TRAF2: variants seen among roughly 807,000 people sequenced by gnomAD.
The protein encoded by TRAF2 is TNF receptor-associated factor 2.
In TRAF2, 6 loss-of-function variants were observed where a neutral mutation model predicts 55.6. The observed-to-expected ratio is 0.11, with a 90% CI of 0.06 to 0.21. TRAF2 has a LOEUF of 0.21. TRAF2 is among the 10% of genes least tolerant of loss of function. The pLI, the probability that TRAF2 is intolerant of heterozygous loss-of-function variation, is 1.00. For missense variants in TRAF2, 561 were observed against 684.5 expected (o/e 0.82, Z 2.01); for synonymous variants, 329 against 276.3 (o/e 1.19, Z -1.89).
In TRAF2 at chr9:136,911,025, G is replaced by T. The variant is rs149571128; in HGVS notation, c.603+1031G>T. The stretch of plus-strand genomic sequence containing the variant: ...TGAGGCTGTGTCCCCTGCTGGTGGG[G>T]CCTGGAGGTGCCCCCGAGAGGTGCC... On this transcript the variant is annotated intron_variant, in intron 6 of 10. Coordinates refer to ENST00000247668, the MANE Select transcript of TRAF2 (RefSeq NM_021138.4). Among the ~76,000 whole-genome samples the T allele has an allele frequency of 1.2e-4, 19 of 152,338 alleles. 1 individual carries two copies. The highest frequency in any genetic ancestry group is 3.1e-4 in the African/African-American group (13 of 41,592).
At chr9:136,890,843 C>T (rs1485585375) in intron 1 of TRAF2, among the ~76,000 whole-genome samples, 1 of 152,206 alleles carries the variant, frequency 6.6e-6, no homozygotes, top group Non-Finnish European at 1.5e-5. Context: ...GATCCCCGAC[C>T]TTCCAGCCGT....
At chr9:136,898,518 A>G (rs1436705001) in intron 1 of TRAF2, 195 bp from the exon 2 acceptor site, 4 of 932,590 alleles carry the variant, frequency 4.3e-6, no homozygotes, top group Middle Eastern at 5.4e-4. Flanking sequence ...GAGTTTCCAT[A>G]CTAGCGGCGG....
At chr9:136,895,571 T>G (rs1021097014) in intron 1 of TRAF2, among the ~76,000 whole-genome samples, 5 of 152,120 alleles carry the variant, frequency 3.3e-5, no homozygotes, top group Non-Finnish European at 7.4e-5. Context: ...AATGTTGGAA[T>G]GGGCCAGGCA....
In TRAF2 at chr9:136,903,379, G is replaced by A. The variant is rs982282648; in HGVS notation, c.366+2859G>A. ...GCAGCTGGATGCGGGGGTGCGGGGAGACTTTCCAGAGAGGACATAGGCTGG... is the reference window on the plus strand; with the variant it reads ...GCAGCTGGATGCGGGGGTGCGGGGAAACTTTCCAGAGAGGACATAGGCTGG... On this transcript the variant is annotated intron_variant, in intron 4 of 10. Coordinates refer to ENST00000247668, the MANE Select transcript of TRAF2 (RefSeq NM_021138.4). 7.9e-5 allele frequency among the ~76,000 whole-genome samples: 12 copies of A among 152,326 alleles called. No homozygotes were observed. In the East Asian group the frequency reaches 2.3e-3, roughly 29 times the overall value.
In TRAF2 at chr9:136,923,840, C is replaced by T. The variant is rs2131336463; in HGVS notation, c.1139-12C>T. The T allele has an allele frequency of 6.2e-7, 1 of 1,612,582 alleles. No homozygotes were observed. The highest frequency in any genetic ancestry group is 1.1e-5 in the South Asian group (1 of 91,052). On this transcript the variant is annotated splice_polypyrimidine_tract_variant and intron_variant, in intron 9 of 10. Transcript: ENST00000247668. ...AGTGTCAGCTCACCAGGCACCCCTC[C>T]TGCCTCCCCAGCCTTCTACACCAGC...
chr9:136,897,148 C>T (rs1401240533), intron 1 of TRAF2, among the ~76,000 whole-genome samples: 1 of 146,514 alleles, frequency 6.8e-6, no homozygotes, highest in Admixed American at 6.9e-5. Flanking sequence ...GAGCAGAGCC[C>T]AGTGGAGTCT....
chr9:136,915,985 T>C (rs17250848), intron 6 of TRAF2, among the ~76,000 whole-genome samples: 6,373 of 152,154 alleles, frequency 0.042, 220 homozygotes, highest in Non-Finnish European at 0.068. Context: ...AGGAGGAACT[T>C]GGGGTTCATG....
intron 1 of TRAF2, among the ~76,000 whole-genome samples, chr9:136,891,806 C>T (rs1395484189): frequency 1.3e-4 from 20 of 151,808 alleles, no homozygotes; most frequent in African/African-American, 4.8e-4. Context: ...TCTGCAACCT[C>T]TGCCTCCCAG....
Position 136,926,197 on chromosome 9 carries a change from C to T in TRAF2, c.*296C>T, listed in dbSNP as rs1009903427. The T allele has an allele frequency of 2.6e-5, 14 of 537,118 alleles. No individual in the cohort carries two copies. The highest frequency in any genetic ancestry group is 1.7e-4 in the African/African-American group (9 of 53,404). 33.3% of individuals were successfully genotyped at this position (537,118 alleles called of 1,614,324 possible). A position where few individuals can be genotyped will look rare whatever the true frequency, so the allele number is the denominator to read the frequency against. ...CACAAGCTGCCCTTGCTGTCCTGTG[C>T]AGTGAAGGGAGAGGCCCTGGGTGGG... On this transcript the variant is annotated 3_prime_UTR_variant, in exon 11 of 11. Transcript: ENST00000247668.
At chr9:136,898,475 G>T (rs193092486) in intron 1 of TRAF2, 6 of 625,132 alleles carry the variant, frequency 9.6e-6, no homozygotes, top group Non-Finnish European at 1.2e-5. Context: ...TTGTGTGGAT[G>T]CCAGCTGTGT....
In TRAF2 at chr9:136,915,847, A is replaced by G. The variant is rs552067837; in HGVS notation, c.604-694A>G. ...AGGTTCTTATGTGACTGTTTCTGGA[A>G]ACTGATTCACAGTTACGGCCGTTTC... is the stretch of plus-strand genomic sequence containing the variant. On this transcript the variant is annotated intron_variant, in intron 6 of 10. Transcript: ENST00000247668. Among the ~76,000 whole-genome samples the G allele has an allele frequency of 7.0e-4, 106 of 152,248 alleles. 2 individuals are homozygous for G. The highest frequency in any genetic ancestry group is 2.5e-3 in the African/African-American group (102 of 41,538).
In TRAF2 at chr9:136,925,898, C is replaced by T; in HGVS notation, c.1503C>T (p.Leu501=). ...FIKAIVDLTG[L] is the part of the protein sequence containing the mutation. ...AGGCCATTGTGGACCTGACAGGGCT[C>T]TAACTGCCCCCTACTGGTGTCTGGG... is the stretch of plus-strand genomic sequence containing the variant. The change falls in exon 11 of 11, where the codon CTC becomes CTT. Residue 501 remains leucine, a synonymous_variant. Coordinates refer to ENST00000247668, the MANE Select transcript of TRAF2 (RefSeq NM_021138.4). 6.2e-7 allele frequency: 1 copy of T among 1,614,108 alleles called. No individual in the cohort carries two copies. Among genetic ancestry groups the T allele is most frequent in the Non-Finnish European group, 8.5e-7 (1 of 1,180,028 alleles).
chr9:136,920,612 G>T, intron 8 of TRAF2, 97 bp downstream of exon 8: 18 of 1,422,058 alleles, frequency 1.3e-5, no homozygotes, highest in Non-Finnish European at 1.7e-5. Flanking sequence ...GAGCTTTAGA[G>T]CCCGGACAAT....
At chr9:136,898,011 A>G (rs368184985) in intron 1 of TRAF2, among the ~76,000 whole-genome samples, 47 of 78,446 alleles carry the variant, frequency 6.0e-4, no homozygotes, top group Admixed American at 1.5e-3. Flanking sequence ...CCAGCCTCAG[A>G]TGTGCTACGT....
intron 4 of TRAF2, among the ~76,000 whole-genome samples, chr9:136,905,852 C>G (rs991866931): frequency 6.6e-6 from 1 of 152,142 alleles, no homozygotes; most frequent in African/African-American, 2.4e-5. Context: ...CACCTGTAAT[C>G]CCAGCACTTT....
Position 136,926,064 on chromosome 9 carries a change from G to A in TRAF2, c.*163G>A. On this transcript the variant is annotated 3_prime_UTR_variant, in exon 11 of 11. Coordinates refer to ENST00000247668, the MANE Select transcript of TRAF2 (RefSeq NM_021138.4). ...AGCCAAGTTCACTGTCACGGGGGAAGGAGCCACCAGCCAGTCCTCAGATTT... is the reference window on the plus strand; with the variant it reads ...AGCCAAGTTCACTGTCACGGGGGAAAGAGCCACCAGCCAGTCCTCAGATTT... The A allele has an allele frequency of 3.5e-6, 3 of 865,530 alleles. No homozygotes were observed. Among genetic ancestry groups the A allele is most frequent in the South Asian group, 2.7e-5 (2 of 74,304 alleles). 53.6% of individuals were successfully genotyped at this position (865,530 alleles called of 1,614,324 possible).
At chr9:136,909,259 G>A (rs1286357439) in intron 5 of TRAF2, among the ~76,000 whole-genome samples, 1 of 24,712 alleles carries the variant, frequency 4.0e-5, no homozygotes, top group African/African-American at 2.6e-4. Flanking sequence ...AGATGCAGCT[G>A]TGACTGCTCA....
At chr9:136,905,822 C>T (rs1662610536) in intron 4 of TRAF2, among the ~76,000 whole-genome samples, 1 of 151,990 alleles carries the variant, frequency 6.6e-6, no homozygotes, top group African/African-American at 2.4e-5. Context: ...GATGGCTCTA[C>T]CGCCGGGCGC....
chr9:136,882,528 C>A, upstream of TRAF2: 1 of 290,838 alleles, frequency 3.4e-6, no homozygotes, highest in Non-Finnish European at 5.1e-6. Context: ...CCAACTGCTG[C>A]CCTCCTTCCT....
Sources: allele counts gnomAD v4.1 joint callset (sites outside exome capture counted in the v4.1 genomes callset), GRCh38; gene constraint gnomAD v4.1.1; transcripts MANE v1.5; gene names NCBI Gene and HGNC (gene_info 2026-07-23, HGNC 2026-07-21).